The following ADAMTS12 variants were observed in gnomAD, a reference collection of about 807,000 sequenced individuals.
ADAMTS12 encodes the protein A disintegrin and metalloproteinase with thrombospondin motifs 12.
In ADAMTS12, 118 loss-of-function variants were observed where a neutral mutation model predicts 167.8. The ratio of observed to expected loss-of-function variants is 0.70; its 90% CI spans 0.61 to 0.82. The LOEUF (loss-of-function observed/expected upper bound fraction) is 0.82. Ranked by LOEUF, ADAMTS12 falls within the 40% of genes least tolerant of loss-of-function variation. ADAMTS12 has a pLI of 0.00. For synonymous variants in ADAMTS12, 704 were observed against 716.9 expected, an observed-to-expected ratio of 0.98 and a Z score of 0.29; for missense variants, 1,916 against 1,998.8, an observed-to-expected ratio of 0.96 and a Z score of 0.79.
rs534516621 is a variant in ADAMTS12, at chr5:33,889,538, T to A, written c.127+2192A>T. Among the ~76,000 whole-genome samples, 4 of 152,330 alleles carry A rather than the reference T, an allele frequency of 2.6e-5. No homozygotes were observed. In the South Asian group the frequency reaches 8.3e-4, roughly 32 times the overall value. On this transcript the variant is annotated intron_variant, in intron 1 of 23. Transcript: ENST00000504830. ...CCCTCATCCATCCCTTCCTCCCTCT[T>A]TGTGACTTTCCTTCTTAATTCTAAA...
chr5:33,797,467 A>G (rs1029295452), intron 2 of ADAMTS12, among the ~76,000 whole-genome samples: 5 of 126,664 alleles, frequency 3.9e-5, no homozygotes, highest in Admixed American at 3.8e-4. Context: ...AACCAATCTG[A>G]AACACAGGAG....
chr5:33,794,353 G>A (rs1288202135), intron 2 of ADAMTS12, among the ~76,000 whole-genome samples: 1 of 152,174 alleles, frequency 6.6e-6, no homozygotes, highest in Non-Finnish European at 1.5e-5. Context: ...GTTTGTTCTT[G>A]CAGTCGATCT....
intron 2 of ADAMTS12, among the ~76,000 whole-genome samples, chr5:33,760,264 A>G (rs1402837900): frequency 2.0e-5 from 3 of 152,148 alleles, no homozygotes. Flanking sequence ...TCATCAAAAG[A>G]AGTTCTAACT....
intron 15 of ADAMTS12, among the ~76,000 whole-genome samples, chr5:33,615,294 C>T (rs2112095972): frequency 6.6e-6 from 1 of 152,330 alleles, no homozygotes; most frequent in Non-Finnish European, 1.5e-5. Context: ...GATCTAACTC[C>T]TTGGCCATCT....
intron 5 of ADAMTS12, 49 bp downstream of exon 5, chr5:33,682,969 T>C (rs757904835): frequency 3.5e-5 from 52 of 1,507,114 alleles, no homozygotes; most frequent in Non-Finnish European, 4.7e-5. Flanking sequence ...AAAAAGAAGG[T>C]AGGAAGTGCG....
intron 3 of ADAMTS12, among the ~76,000 whole-genome samples, chr5:33,736,686 G>A (rs915953037): frequency 6.6e-6 from 1 of 152,164 alleles, no homozygotes; most frequent in African/African-American, 2.4e-5. Context: ...AACAAGTCTG[G>A]GTTGTCCTTT....
In ADAMTS12 at chr5:33,683,101, CCTAGGGT is replaced by C. The variant is rs1215863257; in HGVS notation, c.832-7_832-1del. 1 of 1,610,044 alleles carries C rather than the reference CCTAGGGT, an allele frequency of 6.2e-7. No homozygotes were observed. Among genetic ancestry groups the C allele is most frequent in the Admixed American group, 1.7e-5 (1 of 59,538 alleles). On this transcript the variant is annotated splice_acceptor_variant and splice_polypyrimidine_tract_variant and intron_variant, in intron 4 of 23. Coordinates refer to ENST00000504830, the MANE Select transcript of ADAMTS12 (RefSeq NM_030955.4). LOFTEE classifies it high-confidence loss of function. ...CTTGGGTTATGGAACAACCCAGTGA[CCTAGGGT>C]CAGAAATAGAAAACCATTAGCTCCA... is the stretch of plus-strand genomic sequence containing the variant.
chr5:33,608,163 T>C (rs1738538539), intron 16 of ADAMTS12, among the ~76,000 whole-genome samples: 1 of 152,172 alleles, frequency 6.6e-6, no homozygotes, highest in Admixed American at 6.5e-5. Flanking sequence ...TAACATTCTT[T>C]AGAATAAACC....
At chr5:33,689,287 C>T (rs12652117) in intron 3 of ADAMTS12, among the ~76,000 whole-genome samples, 34,198 of 152,008 alleles carry the variant, frequency 0.22, 4,024 homozygotes, top group East Asian at 0.42. Flanking sequence ...CAGTAAGCAG[C>T]AGGACCAGCA....
At chr5:33,863,602 T>G (rs183396757) in intron 2 of ADAMTS12, among the ~76,000 whole-genome samples, 3 of 152,278 alleles carry the variant, frequency 2.0e-5, no homozygotes, top group Admixed American at 6.5e-5. Flanking sequence ...ATAGGAAGAA[T>G]CAATATCGTG....
At chr5:33,881,048 T>G in intron 2 of ADAMTS12, 71 bp downstream of exon 2, 2 of 1,557,594 alleles carry the variant, frequency 1.3e-6, no homozygotes, top group Non-Finnish European at 1.7e-6. Flanking sequence ...GTGAACCTGT[T>G]GGTAGTAGGT....
chr5:33,552,647 A>G (rs1745301114), intron 20 of ADAMTS12, among the ~76,000 whole-genome samples: 1 of 152,132 alleles, frequency 6.6e-6, no homozygotes, highest in African/African-American at 2.4e-5. Context: ...CATTCATAAG[A>G]CCCTTAAAAT....
At chr5:33,877,601 G>A (rs962785007) in intron 2 of ADAMTS12, among the ~76,000 whole-genome samples, 1 of 152,190 alleles carries the variant, frequency 6.6e-6, no homozygotes, top group Admixed American at 6.5e-5. Context: ...CAATGCCAAA[G>A]TTGTGAAAAT....
intron 19 of ADAMTS12, among the ~76,000 whole-genome samples, chr5:33,568,707 G>A (rs574118866): frequency 2.6e-5 from 4 of 152,234 alleles, no homozygotes; most frequent in Admixed American, 6.5e-5. Flanking sequence ...CTGAGGTACC[G>A]GGTTCATCTC....
chr5:33,686,251 C>T (rs551174022), intron 3 of ADAMTS12, among the ~76,000 whole-genome samples: 25 of 152,266 alleles, frequency 1.6e-4, no homozygotes, highest in African/African-American at 5.5e-4. Flanking sequence ...CCCCTGGGTG[C>T]CGGTCCCCTC....
chr5:33,831,760 C>T (rs1169024499), intron 2 of ADAMTS12, among the ~76,000 whole-genome samples: 2 of 152,074 alleles, frequency 1.3e-5, no homozygotes, highest in Admixed American at 6.6e-5. Context: ...GATTATTATC[C>T]CTCCTGCCTT....
chr5:33,678,601 GCAA>G (rs1157755866), intron 5 of ADAMTS12, among the ~76,000 whole-genome samples: 2 of 152,164 alleles, frequency 1.3e-5, no homozygotes, highest in South Asian at 2.1e-4. Flanking sequence ...GACAGTCCAG[GCAA>G]CAACAAGACC....
intron 2 of ADAMTS12, among the ~76,000 whole-genome samples, chr5:33,781,359 A>C (rs187131461): frequency 9.8e-5 from 15 of 152,288 alleles, no homozygotes; most frequent in Admixed American, 9.8e-4. Flanking sequence ...TCCTTCTCAC[A>C]CATTAAAGTA....
chr5:33,808,843 C>A (rs1326181803), intron 2 of ADAMTS12, among the ~76,000 whole-genome samples: 2 of 152,148 alleles, frequency 1.3e-5, no homozygotes, highest in Non-Finnish European at 2.9e-5. Flanking sequence ...AAAAAGATAG[C>A]CAATTCCGGA....
Sources: allele counts gnomAD v4.1 joint callset (sites outside exome capture counted in the v4.1 genomes callset), GRCh38; gene constraint gnomAD v4.1.1; transcripts MANE v1.5; gene names NCBI Gene and HGNC (gene_info 2026-07-23, HGNC 2026-07-21).